NRXN3: variants seen among roughly 807,000 people sequenced by gnomAD.
NRXN3 encodes neurexin III.
In NRXN3, 32 loss-of-function variants were observed where a neutral mutation model predicts 137.6. The ratio of observed to expected loss-of-function variants is 0.23; its 90% CI spans 0.18 to 0.31. The LOEUF is 0.31. NRXN3 is among the 10% of genes least tolerant of loss of function. The pLI is 1.00. For synonymous variants in NRXN3, 798 were observed against 784.5 expected (o/e 1.02, Z -0.29); for missense variants, 1,574 against 2,062.5 (o/e 0.76, Z 4.59).
At chr14:79,172,936 A>G (rs1001060075) in intron 15 of NRXN3, among the ~76,000 whole-genome samples, 2 of 152,254 alleles carry the variant, frequency 1.3e-5, no homozygotes, top group African/African-American at 4.8e-5. Context: ...TGGAAATTTA[A>G]TCACTTCCAA....
intron 10 of NRXN3, among the ~76,000 whole-genome samples, chr14:78,940,854 A>C (rs1387885079): frequency 6.6e-6 from 1 of 151,842 alleles, no homozygotes; most frequent in African/African-American, 2.4e-5. Flanking sequence ...ATGTGTATCA[A>C]GCTGTGAATT....
rs1246793568 is a variant in NRXN3, at chr14:78,279,965, T to A, written c.727+1303T>A. ...CAGTTATTCTACTTAATGCAGAGAGTTTCTCTCCATTTCTTCCTGCCTGCT... is the reference window on the plus strand; with the variant it reads ...CAGTTATTCTACTTAATGCAGAGAGATTCTCTCCATTTCTTCCTGCCTGCT... On this transcript the variant is annotated intron_variant, in intron 3 of 20. Transcript: ENST00000335750. Among the ~76,000 whole-genome samples the A allele has an allele frequency of 5.3e-5, 8 of 152,004 alleles. No individual in the cohort carries two copies. The East Asian group carries it at 9.6e-4, about 18-fold the overall frequency.
At chr14:78,357,036 G>T (rs529607312) in intron 4 of NRXN3, among the ~76,000 whole-genome samples, 1 of 152,162 alleles carries the variant, frequency 6.6e-6, no homozygotes, top group Non-Finnish European at 1.5e-5. Context: ...AATAGAAGGT[G>T]AATTGGGTTT....
chr14:78,318,806 C>T (rs1309227869), intron 4 of NRXN3, among the ~76,000 whole-genome samples: 1 of 152,168 alleles, frequency 6.6e-6, no homozygotes, highest in Non-Finnish European at 1.5e-5. Flanking sequence ...AACCAAATAC[C>T]ATGAGAGCAA....
intron 4 of NRXN3, among the ~76,000 whole-genome samples, chr14:78,500,258 T>C (rs905031592): frequency 6.6e-6 from 1 of 152,158 alleles, no homozygotes; most frequent in Non-Finnish European, 1.5e-5. Context: ...TTGCTTTACT[T>C]TTTCTCCCCT....
chr14:78,202,200 G>C (rs780408541), intron 1 of NRXN3, among the ~76,000 whole-genome samples: 7 of 152,190 alleles, frequency 4.6e-5, no homozygotes, highest in Non-Finnish European at 1.0e-4. Flanking sequence ...GAAAGGCTGG[G>C]TCATTTGAGA....
intron 4 of NRXN3, among the ~76,000 whole-genome samples, chr14:78,473,905 C>T (rs2095330773): frequency 1.3e-5 from 2 of 152,074 alleles, no homozygotes; most frequent in African/African-American, 2.4e-5. Flanking sequence ...TACAAGGGAC[C>T]CAAAAGAGCA....
At chr14:79,629,907 T>G (rs959803612) in intron 16 of NRXN3, among the ~76,000 whole-genome samples, 1 of 152,018 alleles carries the variant, frequency 6.6e-6, no homozygotes, top group African/African-American at 2.4e-5. Context: ...AGAAATTTGA[T>G]GATGGCAGCA....
At chr14:78,627,845 A>T (rs955457761) in intron 4 of NRXN3, among the ~76,000 whole-genome samples, 9 of 152,196 alleles carry the variant, frequency 5.9e-5, no homozygotes, top group Admixed American at 3.3e-4. Context: ...TGCAAAGTAG[A>T]AGTGAGGAGC....
intron 16 of NRXN3, among the ~76,000 whole-genome samples, chr14:79,631,411 G>A (rs868305189): frequency 1.8e-4 from 27 of 152,252 alleles, no homozygotes; most frequent in African/African-American, 6.3e-4. Context: ...CCCTCTCTGG[G>A]GCTGGCCAAG....
chr14:79,022,975 C>A (rs920932437), intron 15 of NRXN3, among the ~76,000 whole-genome samples: 1 of 152,050 alleles, frequency 6.6e-6, no homozygotes, highest in Non-Finnish European at 1.5e-5. Context: ...GTTCCAGTTG[C>A]CAAGCATCCA....
At chr14:78,937,702 A>G (rs1235996426) in intron 10 of NRXN3, among the ~76,000 whole-genome samples, 1 of 152,240 alleles carries the variant, frequency 6.6e-6, no homozygotes, top group African/African-American at 2.4e-5. Context: ...ATTTCTTAGG[A>G]CTATATAAGT....
chr14:78,759,428 G>A (rs910526785), intron 8 of NRXN3, among the ~76,000 whole-genome samples: 1 of 152,192 alleles, frequency 6.6e-6, no homozygotes, highest in Non-Finnish European at 1.5e-5. Context: ...GCTTGATGAA[G>A]TTAAATAACT....
intron 15 of NRXN3, among the ~76,000 whole-genome samples, chr14:79,386,615 T>G (rs1421229011): frequency 6.6e-6 from 1 of 152,178 alleles, no homozygotes; most frequent in Non-Finnish European, 1.5e-5. Flanking sequence ...AAAGTTCATA[T>G]GGAACCAAAA....
chr14:79,422,741 C>G (rs1335299993), intron 15 of NRXN3, among the ~76,000 whole-genome samples: 1 of 149,260 alleles, frequency 6.7e-6, no homozygotes, highest in Non-Finnish European at 1.5e-5. Flanking sequence ...GCTCTGTCAC[C>G]CAGGCTGGAA....
At chr14:79,772,431 A>G (rs933343530) in intron 19 of NRXN3, among the ~76,000 whole-genome samples, 2 of 152,170 alleles carry the variant, frequency 1.3e-5, no homozygotes, top group Non-Finnish European at 2.9e-5. Flanking sequence ...AAACAGAGAT[A>G]TAGATCAATG....
Position 78,203,154 on chromosome 14 carries a change from C to T in NRXN3, c.-704+32480C>T, listed in dbSNP as rs886430235. Among the ~76,000 whole-genome samples the T allele has an allele frequency of 2.0e-5, 3 of 152,274 alleles. No individual in the cohort carries two copies. The East Asian group carries it at 5.8e-4, about 29-fold the overall frequency. On this transcript the variant is annotated intron_variant, in intron 1 of 20. Transcript: ENST00000335750. ...GAGAGGGCTTTCCCCTGGGAATGTG[C>T]CCTGGGGGCCTGAGGCTGTGAGTTA...
At position 79,553,146 on chromosome 14, in the gene NRXN3, A is replaced by G. The variant is rs576508614; in HGVS notation, c.3444+85744A>G. Among the ~76,000 whole-genome samples, 10 of 152,218 alleles carry G rather than the reference A, an allele frequency of 6.6e-5. No homozygotes were observed. The South Asian group carries it at 1.5e-3, about 22-fold the overall frequency. ...CTTTGTTCAAAGCAATCAGTATGCC[A>G]AAGTACCATATTTTGGGGTATCATT... On this transcript the variant is annotated intron_variant, in intron 16 of 20. Transcript: ENST00000335750.
At chr14:79,684,525 A>T (rs549298219) in intron 17 of NRXN3, among the ~76,000 whole-genome samples, 3 of 152,270 alleles carry the variant, frequency 2.0e-5, no homozygotes, top group East Asian at 1.9e-4. Context: ...GCAATTCTAT[A>T]GGATGTATAC....
Sources: gnomAD v4.1 joint callset for allele counts (sites outside exome capture counted in the v4.1 genomes callset) on GRCh38, gnomAD v4.1.1 for gene constraint, MANE v1.5 for transcripts, NCBI Gene and HGNC (gene_info 2026-07-23, HGNC 2026-07-21) for gene names.